ING5: variants seen among roughly 807,000 people sequenced by gnomAD.
The protein encoded by ING5 is inhibitor of growth family member 5.
A neutral mutation model predicts 37.4 loss-of-function variants in ING5; 17 were observed. That is an observed-to-expected ratio of 0.45 (90% CI 0.31 to 0.68). ING5 has a LOEUF of 0.68. Ranked by LOEUF, ING5 falls within the 30% of genes least tolerant of loss-of-function variation. The pLI is 0.05. For missense variants in ING5, 233 were observed against 311.9 expected, an observed-to-expected ratio of 0.75 and a Z score of 1.91; for synonymous variants, 123 against 116.6, an observed-to-expected ratio of 1.06 and a Z score of -0.36.
chr2:241,706,421 G>C (rs1347329047), intron 2 of ING5, among the ~76,000 whole-genome samples: 1 of 151,998 alleles, frequency 6.6e-6, no homozygotes, highest in African/African-American at 2.4e-5. Flanking sequence ...CCTGAGGTCA[G>C]GAGTTCGAGA....
exon 2 of ING5, chr2:241,690,467 T>A: frequency 2.5e-6 from 1 of 395,106 alleles, no homozygotes; most frequent in Non-Finnish European, 4.5e-6. Flanking sequence ...TCCTGCGTGA[T>A]CAAAGGATGA....
At position 241,691,561 on chromosome 2, in the gene ING5, G is replaced by T. The variant is rs7574259; in HGVS notation, c.43+908G>T. Reference sequence around the variant, plus strand: ...TAAAGTCTCTCACCGTCAGTGGGCTGGGGCTGTCACGACAGACTACCTTAG... The same window carrying T: ...TAAAGTCTCTCACCGTCAGTGGGCTTGGGCTGTCACGACAGACTACCTTAG... On this transcript the variant is annotated intron_variant, in intron 2 of 7. Transcript: ENST00000636051. 1.2e-3 allele frequency among the ~76,000 whole-genome samples: 189 copies of T among 151,964 alleles called. 2 individuals are homozygous for T. The highest frequency in any genetic ancestry group is 4.3e-3 in the African/African-American group (177 of 41,476).
At position 241,688,903 on chromosome 2, in the gene ING5, A is replaced by G. The variant is rs372948862; in HGVS notation, c.-774+841A>G. Among the ~76,000 whole-genome samples, 381 of 152,128 alleles carry G rather than the reference A, an allele frequency of 2.5e-3. 1 individual carries two copies. Among genetic ancestry groups the G allele is most frequent in the African/African-American group, 8.6e-3 (356 of 41,486 alleles). On this transcript the variant is annotated intron_variant, in intron 1 of 7. Coordinates refer to the ING5 transcript ENST00000636051. Reference sequence around the variant, plus strand: ...AAGCTCCACCTCCCGAGTTCATCCCATTCTCCTGCCTCAGCCTCCCCACTA... The same window carrying G: ...AAGCTCCACCTCCCGAGTTCATCCCGTTCTCCTGCCTCAGCCTCCCCACTA...
Position 241,689,362 on chromosome 2 carries a change from A to T in ING5, c.-773-476A>T, listed in dbSNP as rs543007426. 9.8e-4 allele frequency among the ~76,000 whole-genome samples: 150 copies of T among 152,332 alleles called. 1 individual carries two copies. The highest frequency in any genetic ancestry group is 3.3e-3 in the African/African-American group (138 of 41,590). The stretch of plus-strand genomic sequence containing the variant: ...TGACCTCGGGTGATCCGCCCACGTC[A>T]GCCTCCCTAAGTGCTGGGATTACAG... On this transcript the variant is annotated intron_variant, in intron 1 of 7. Transcript: ENST00000636051.
intron 5 of ING5, among the ~76,000 whole-genome samples, chr2:241,713,915 G>A (rs536226880): frequency 4.6e-5 from 7 of 151,956 alleles, no homozygotes; most frequent in South Asian, 4.2e-4. Context: ...GTTTGAACCC[G>A]GGAAGTGGAG....
intron 3 of ING5, among the ~76,000 whole-genome samples, chr2:241,711,035 C>T (rs748968640): frequency 3.9e-5 from 6 of 152,178 alleles, no homozygotes; most frequent in South Asian, 2.1e-4. Flanking sequence ...AGGTGTGAGC[C>T]GCTGCACCTG....
chr2:241,719,540 C>T, intron 5 of ING5: 2 of 1,536,048 alleles, frequency 1.3e-6, no homozygotes, highest in Non-Finnish European at 1.7e-6. Context: ...AAGGCCCTGT[C>T]CCGACCGTGC....
intron 5 of ING5, chr2:241,722,054 G>A (rs2070448623): frequency 1.0e-6 from 1 of 985,312 alleles, no homozygotes; most frequent in African/African-American, 1.7e-5. Flanking sequence ...GAGTGTGTGG[G>A]GAGCTGCTGG....
chr2:241,701,998 A>C, upstream of ING5: 1 of 1,189,736 alleles, frequency 8.4e-7, no homozygotes, highest in Non-Finnish European at 1.1e-6. Flanking sequence ...GCGCGCTGGC[A>C]CCGCCCCGCC....
chr2:241,722,881 C>T (rs533748042), intron 5 of ING5, 58 bp from the exon 6 acceptor site: 28 of 1,603,592 alleles, frequency 1.7e-5, no homozygotes, highest in Middle Eastern at 1.8e-4. Flanking sequence ...CCGTGGTGTC[C>T]GTGCCGCCTC....
chr2:241,704,155 T>C (rs1294010295), intron 1 of ING5, among the ~76,000 whole-genome samples: 2 of 152,200 alleles, frequency 1.3e-5, no homozygotes, highest in Non-Finnish European at 2.9e-5. Context: ...GCTTCCGAAG[T>C]GTGCACACAG....
chr2:241,709,693 G>A (rs1575127944), intron 3 of ING5, among the ~76,000 whole-genome samples: 1 of 150,754 alleles, frequency 6.6e-6, no homozygotes, highest in East Asian at 2.0e-4. Context: ...TGCAACCTCC[G>A]CCTCCTAGGC....
intron 3 of ING5, among the ~76,000 whole-genome samples, chr2:241,711,175 A>G (rs774324025): frequency 1.3e-5 from 2 of 152,210 alleles, no homozygotes; most frequent in African/African-American, 4.8e-5. Flanking sequence ...GATTTATTCC[A>G]TTGCAATGTC....
chr2:241,697,434 C>CAAAA (rs1189871969), upstream of ING5, among the ~76,000 whole-genome samples: 1 of 69,592 alleles, frequency 1.4e-5, no homozygotes, highest in Non-Finnish European at 3.1e-5. Context: ...GACTCTGTCT[C>CAAAA]AAAAAAAAAA....
intron 5 of ING5, among the ~76,000 whole-genome samples, chr2:241,714,065 A>G (rs1278448460): frequency 6.6e-6 from 1 of 151,970 alleles, no homozygotes; most frequent in Non-Finnish European, 1.5e-5. Context: ...CAGAACAAAC[A>G]TGGTTTAATT....
At chr2:241,709,007 C>T (rs554631680) in intron 2 of ING5, 26 of 488,454 alleles carry the variant, frequency 5.3e-5, no homozygotes, top group Non-Finnish European at 8.1e-5. Flanking sequence ...GTCCTGGGCA[C>T]GTTGCCGTAA....
At chr2:241,702,019 GC>G, upstream of ING5, 2 of 1,325,788 alleles carry the variant, frequency 1.5e-6, no homozygotes, top group Non-Finnish European at 1.9e-6. Flanking sequence ...CCCGCCTCCC[GC>G]GGCACCGCCC....
intron 2 of ING5, among the ~76,000 whole-genome samples, chr2:241,692,305 T>TA (rs377479470): frequency 4.6e-5 from 7 of 152,054 alleles, no homozygotes; most frequent in African/African-American, 1.7e-4. Context: ...ATTTTTTTTT[T>TA]ATTTTAATTT....
At chr2:241,697,311 T>C (rs1575116308), upstream of ING5, among the ~76,000 whole-genome samples, 1 of 150,606 alleles carries the variant, frequency 6.6e-6, no homozygotes, top group Middle Eastern at 3.4e-3. Flanking sequence ...GTCGGGCGCC[T>C]GTAGTCCCAG....
Sources: allele counts gnomAD v4.1 joint callset (sites outside exome capture counted in the v4.1 genomes callset), GRCh38; gene constraint gnomAD v4.1.1; transcripts MANE v1.5; gene names NCBI Gene and HGNC (gene_info 2026-07-23, HGNC 2026-07-21).